The following ZNF846 variants were observed in gnomAD, a reference collection of about 807,000 sequenced individuals.
The protein encoded by ZNF846 is zinc finger protein 846.
ZNF846 carries 15 observed loss-of-function variants against 16.0 expected under a neutral mutation model. The ratio of observed to expected loss-of-function variants is 0.94; its 90% CI spans 0.63 to 1.45. The LOEUF (loss-of-function observed/expected upper bound fraction) is 1.45, where lower values mean the gene tolerates loss of function less well. Among genes scored for constraint, ZNF846 ranks in the 40% most tolerant of loss-of-function variants. ZNF846 has a pLI of 0.00. For missense variants in ZNF846, 714 were observed against 622.3 expected (o/e 1.15, Z -1.57); for synonymous variants, 229 against 212.0 (o/e 1.08, Z -0.70).
downstream of ZNF846, among the ~76,000 whole-genome samples, chr19:9,754,564 TAAAAAA>T (rs545236944): frequency 4.5e-5 from 4 of 88,706 alleles, 1 homozygote; most frequent in Non-Finnish European, 4.2e-5. Context: ...GACTCTGTCT[TAAAAAA>T]AAAAAAAAAA....
chr19:9,758,093 G>A (rs1422962806), exon 6 of ZNF846: 12 of 1,613,614 alleles, frequency 7.4e-6, no homozygotes, highest in Non-Finnish European at 1.0e-5. Context: ...GAATTCGCAT[G>A]TGTAAAATAA....
At chr19:9,774,549 G>A in intron 1 of ZNF846, 3 of 1,466,812 alleles carry the variant, frequency 2.0e-6, no homozygotes, top group Non-Finnish European at 2.9e-6. Flanking sequence ...GCAAATGTGG[G>A]ATGAAAAACT....
At chr19:9,763,671 C>A (rs1599389593) in intron 2 of ZNF846, among the ~76,000 whole-genome samples, 1 of 152,196 alleles carries the variant, frequency 6.6e-6, no homozygotes, top group South Asian at 2.1e-4. Flanking sequence ...TAGGTGCAGT[C>A]TGCACTGAAT....
At position 9,780,060 on chromosome 19, in the gene ZNF846, G is replaced by GT. The variant is rs573248147; in HGVS notation, c.-86+5877dup. 4.8e-3 allele frequency among the ~76,000 whole-genome samples: 595 copies of GT among 122,902 alleles called. 3 individuals are homozygous for GT. Among genetic ancestry groups the GT allele is most frequent in the South Asian group, 0.013 (53 of 4,032 alleles). The allele number at this position is 122,902 out of a possible 152,430, so 80.6% of individuals were successfully genotyped here. A position where few individuals can be genotyped will look rare whatever the true frequency, so the allele number is the denominator to read the frequency against. On this transcript the variant is annotated intron_variant, in intron 1 of 4. Coordinates refer to the ZNF846 transcript ENST00000586814. ...CCCAGCTAATTTTGTTTTTTTTTTT[G>GT]TTTTTTTTTTTGTAGAGATGAGGTC...
upstream of ZNF846, among the ~76,000 whole-genome samples, chr19:9,769,924 T>C (rs202083235): frequency 1.4e-5 from 2 of 147,636 alleles, no homozygotes; most frequent in East Asian, 4.0e-4. Context: ...GAGGTTGCAG[T>C]GAGCTGATAC....
Position 9,757,860 on chromosome 19 carries a change from GAATT to G in ZNF846, c.1213_1216del (p.Asn405ProfsTer8), listed in dbSNP as rs779744151. 5.7e-4 allele frequency: 927 copies of G among 1,613,290 alleles called. 4 individuals are homozygous for G. The highest frequency in any genetic ancestry group is 3.5e-3 in the Middle Eastern group (21 of 6,060). ...CCTTACATGTTGACTAAGCATTGAG[GAATT>G]ATTAAAGGCTTTCCCACATTCTTTA... On this transcript the variant is annotated frameshift_variant, in exon 6 of 6. Coordinates refer to ENST00000397902, the Ensembl canonical transcript of ZNF846. LOFTEE classifies it low-confidence loss of function (END_TRUNC).
chr19:9,749,510 A>G (rs565961195), downstream of ZNF846, among the ~76,000 whole-genome samples: 3 of 151,968 alleles, frequency 2.0e-5, no homozygotes, highest in Admixed American at 2.0e-4. Flanking sequence ...TTCAGTGGCA[A>G]GATACATTCC....
In ZNF846 at chr19:9,763,537, A is replaced by G. The variant is rs1348223053; in HGVS notation, c.16-129T>C. 10 of 749,072 alleles carry G rather than the reference A, an allele frequency of 1.3e-5. No individual in the cohort carries two copies. The South Asian group carries it at 2.3e-4, about 17-fold the overall frequency. The allele number at this position is 749,072 out of a possible 1,614,324, so 46.4% of individuals were successfully genotyped here. A position where few individuals can be genotyped will look rare whatever the true frequency, so the allele number is the denominator to read the frequency against. On this transcript the variant is annotated intron_variant, in intron 2 of 5. Transcript: ENST00000397902. ...CCAGGCCTCAGGCCTCTTCTCCTCT[A>G]TATAGATATTGTCTTGCAATGGCAT...
At chr19:9,754,568 A>C (rs1157533962), downstream of ZNF846, among the ~76,000 whole-genome samples, 7 of 147,544 alleles carry the variant, frequency 4.7e-5, no homozygotes, top group African/African-American at 1.8e-4. Flanking sequence ...CTGTCTTAAA[A>C]AAAAAAAAAA....
At chr19:9,752,675 T>C (rs1293324245), downstream of ZNF846, among the ~76,000 whole-genome samples, 5 of 151,760 alleles carry the variant, frequency 3.3e-5, no homozygotes, top group Non-Finnish European at 7.4e-5. Context: ...TTTTTTTTTT[T>C]CTATTCTCTC....
chr19:9,772,197 T>C (rs1302299021), upstream of ZNF846, among the ~76,000 whole-genome samples: 1 of 152,232 alleles, frequency 6.6e-6, no homozygotes. Flanking sequence ...TGGAGAATTA[T>C]ACCAAACCTT....
upstream of ZNF846, among the ~76,000 whole-genome samples, chr19:9,771,621 C>CT (rs1390760727): frequency 6.6e-6 from 1 of 152,164 alleles, no homozygotes; most frequent in Non-Finnish European, 1.5e-5. Context: ...AATGCTATGA[C>CT]TTTCTTGCTT....
intron 1 of ZNF846, among the ~76,000 whole-genome samples, chr19:9,783,544 A>AT (rs59645706): frequency 0.019 from 2,089 of 108,318 alleles, 23 homozygotes; most frequent in Middle Eastern, 0.057. Flanking sequence ...AAAAAAAAAA[A>AT]ATATATATAT....
downstream of ZNF846, among the ~76,000 whole-genome samples, chr19:9,754,895 C>T (rs2045118873): frequency 6.7e-6 from 1 of 149,538 alleles, no homozygotes. Context: ...GATGGAGTAT[C>T]ACTCTTGTTG....
intron 1 of ZNF846, among the ~76,000 whole-genome samples, chr19:9,779,606 T>C (rs980806869): frequency 2.6e-4 from 39 of 151,364 alleles, no homozygotes; most frequent in Non-Finnish European, 5.2e-4. Flanking sequence ...GTTTCACTCT[T>C]GTTGCCCAGG....
intron 1 of ZNF846, among the ~76,000 whole-genome samples, chr19:9,768,085 C>T (rs574435152): frequency 1.3e-5 from 2 of 152,262 alleles, no homozygotes; most frequent in African/African-American, 4.8e-5. Flanking sequence ...GAGGTACTGA[C>T]CTAGGAAGTT....
At position 9,757,778 on chromosome 19, in the gene ZNF846, TTGAG is replaced by T; in HGVS notation, c.1295_1298del (p.Thr432AsnfsTer9). Reference sequence around the variant, plus strand: ...TTAAATGGGTACTAAGGCCCGAGGATTGAGTGAAAGCTTTCCCACATTCTTTGCA... The same window carrying T: ...TTAAATGGGTACTAAGGCCCGAGGATTGAAAGCTTTCCCACATTCTTTGCA... On this transcript the variant is annotated frameshift_variant, in exon 6 of 6. Transcript: ENST00000397902. LOFTEE classifies it low-confidence loss of function (END_TRUNC). 6.2e-7 allele frequency: 1 copy of T among 1,613,706 alleles called. No individual in the cohort carries two copies. The highest frequency in any genetic ancestry group is 8.5e-7 in the Non-Finnish European group (1 of 1,180,026).
At chr19:9,776,722 C>T (rs752034007) in intron 1 of ZNF846, among the ~76,000 whole-genome samples, 5 of 152,160 alleles carry the variant, frequency 3.3e-5, no homozygotes, top group Non-Finnish European at 7.3e-5. Flanking sequence ...ACTCTCTTGT[C>T]GCCACACACA....
intron 2 of ZNF846, 188 bp downstream of exon 2, chr19:9,764,748 C>A: frequency 1.5e-6 from 1 of 660,576 alleles, no homozygotes; most frequent in Non-Finnish European, 2.6e-6. Flanking sequence ...CCAGATCCCG[C>A]AATACACTTC....
Sources: gnomAD v4.1 joint callset for allele counts (sites outside exome capture counted in the v4.1 genomes callset) on GRCh38, gnomAD v4.1.1 for gene constraint, MANE v1.5 for transcripts, NCBI Gene and HGNC (gene_info 2026-07-23, HGNC 2026-07-21) for gene names.